Variants in RMST observed in about 807,000 individuals in gnomAD.
RMST encodes the protein rhabdomyosarcoma 2 associated transcript, also known as long intergenic non-protein coding RNA 54.
rs544032079 is a variant in RMST at position 97,493,601 on chromosome 12, G to A, written n.900-274G>A. ...TCCACGTGGAATACTTGCATTATAC[G>A]ATATAAAAGAGTCTCTCTCTTAAAC... On this transcript the variant is annotated intron_variant and non_coding_transcript_variant, in intron 7 of 13. Transcript: ENST00000640149. Among the ~76,000 whole-genome samples the A allele has an allele frequency of 4.6e-5, 7 of 152,054 alleles. No homozygotes were observed. In the South Asian group the frequency reaches 8.3e-4, roughly 18 times the overall value.
intron 10 of RMST, among the ~76,000 whole-genome samples, chr12:97,512,875 A>C (rs1468680013): frequency 6.6e-6 from 1 of 152,190 alleles, no homozygotes; most frequent in Non-Finnish European, 1.5e-5. Flanking sequence ...ACAGGAGCCC[A>C]CGGAGGCGAG....
At chr12:97,464,953 T>C (rs1365875585) in intron 4 of RMST, 2 of 152,232 alleles carry the variant, frequency 1.3e-5, no homozygotes, top group African/African-American at 4.8e-5. Flanking sequence ...TATCTTTTAT[T>C]GTGGAGGGGC....
chr12:97,492,641 G>A (rs1876963095), intron 6 of RMST: 1 of 152,038 alleles, frequency 6.6e-6, no homozygotes, highest in Non-Finnish European at 1.5e-5. Context: ...GACTTGTTTT[G>A]TTTTTGTTTT....
At chr12:97,555,848 G>A (rs1883672307) in intron 11 of RMST, among the ~76,000 whole-genome samples, 1 of 152,200 alleles carries the variant, frequency 6.6e-6, no homozygotes, top group South Asian at 2.1e-4. Context: ...ATTTCTCAGT[G>A]ACTAGAGATA....
At chr12:97,484,860 T>C (rs533682862) in intron 5 of RMST, among the ~76,000 whole-genome samples, 22 of 152,322 alleles carry the variant, frequency 1.4e-4, no homozygotes, top group Non-Finnish European at 2.2e-4. Flanking sequence ...GTCTCATCAA[T>C]TAGTCAGCAC....
chr12:97,521,337 GC>G (rs1456551891), intron 10 of RMST, among the ~76,000 whole-genome samples: 2 of 152,060 alleles, frequency 1.3e-5, no homozygotes, highest in South Asian at 2.1e-4. Context: ...AGAGCCAAAA[GC>G]CCTTGAGAGA....
At position 97,513,472 on chromosome 12, in the gene RMST, G is replaced by A. The variant is rs114483234; in HGVS notation, n.1341-17183G>A. On this transcript the variant is annotated intron_variant and non_coding_transcript_variant, in intron 10 of 13. Coordinates refer to ENST00000640149, the Ensembl canonical transcript of RMST. ...ATTTATTGAGTAGAGTGCCTACTAT[G>A]TGCTCGATGTTGAAGATGGAGAGGG... is the stretch of plus-strand genomic sequence containing the variant. 4.6e-3 allele frequency among the ~76,000 whole-genome samples: 697 copies of A among 152,274 alleles called. 5 individuals carry two copies. The highest frequency in any genetic ancestry group is 0.015 in the African/African-American group (632 of 41,568).
chr12:97,491,893 T>C (rs753528974), intron 5 of RMST: 1 of 527,850 alleles, frequency 1.9e-6, no homozygotes, highest in Non-Finnish European at 3.9e-6. Flanking sequence ...CACCCGAGCG[T>C]CCATGGGTCA....
intron 5 of RMST, among the ~76,000 whole-genome samples, chr12:97,477,886 C>T (rs1874747442): frequency 6.6e-6 from 1 of 152,166 alleles, no homozygotes; most frequent in Non-Finnish European, 1.5e-5. Context: ...TTTTATTCAG[C>T]ATTGTCTAGG....
At chr12:97,558,766 T>G (rs1048236827) in intron 11 of RMST, among the ~76,000 whole-genome samples, 2 of 152,170 alleles carry the variant, frequency 1.3e-5, no homozygotes, top group African/African-American at 4.8e-5. Context: ...GGAAGGGGCT[T>G]GGTTATTTAT....
At chr12:97,548,238 T>C (rs1206712428) in intron 11 of RMST, among the ~76,000 whole-genome samples, 1 of 152,136 alleles carries the variant, frequency 6.6e-6, no homozygotes, top group Non-Finnish European at 1.5e-5. Context: ...CTCTATTCTA[T>C]TCCATTGGTC....
At chr12:97,552,989 G>T (rs1883408023) in intron 11 of RMST, among the ~76,000 whole-genome samples, 1 of 152,150 alleles carries the variant, frequency 6.6e-6, no homozygotes. Flanking sequence ...TGCTAGGTCA[G>T]CCTACCAGCA....
chr12:97,470,079 G>T (rs714892), intron 5 of RMST, among the ~76,000 whole-genome samples: 16,457 of 152,056 alleles, frequency 0.11, 1,078 homozygotes, highest in East Asian at 0.16. Context: ...TTTTGCCACT[G>T]CCTTCTCAAA....
At chr12:97,481,191 C>G (rs1875232050) in intron 5 of RMST, among the ~76,000 whole-genome samples, 1 of 151,916 alleles carries the variant, frequency 6.6e-6, no homozygotes, top group Non-Finnish European at 1.5e-5. Flanking sequence ...TGAGGAAGAG[C>G]AAACAAGTCA....
At chr12:97,525,514 A>C (rs1465111345) in intron 10 of RMST, among the ~76,000 whole-genome samples, 2 of 152,190 alleles carry the variant, frequency 1.3e-5, no homozygotes, top group Admixed American at 1.3e-4. Flanking sequence ...CTACATATAT[A>C]ACATAAATTT....
intron 11 of RMST, among the ~76,000 whole-genome samples, chr12:97,553,958 T>C (rs938020795): frequency 8.8e-5 from 13 of 148,176 alleles, no homozygotes; most frequent in African/African-American, 3.0e-4. Flanking sequence ...TCTTTTTTTT[T>C]TTTTTTTTTT....
intron 5 of RMST, among the ~76,000 whole-genome samples, chr12:97,470,532 A>G (rs908560505): frequency 2.0e-4 from 30 of 151,958 alleles, no homozygotes; most frequent in African/African-American, 6.3e-4. Context: ...GCCTTTAAAG[A>G]TCTTTAAATA....
intron 5 of RMST, among the ~76,000 whole-genome samples, chr12:97,491,224 G>A (rs1393462878): frequency 6.6e-6 from 1 of 152,196 alleles, no homozygotes; most frequent in Non-Finnish European, 1.5e-5. Flanking sequence ...CTATGGGGAA[G>A]GCTGGCAAAA....
chr12:97,495,417 A>C (rs1339408244), intron 9 of RMST, among the ~76,000 whole-genome samples: 2 of 152,174 alleles, frequency 1.3e-5, no homozygotes, highest in Non-Finnish European at 2.9e-5. Flanking sequence ...GATGATGGAG[A>C]AGCTGAACAT....
Sources: allele counts gnomAD v4.1 joint callset (sites outside exome capture counted in the v4.1 genomes callset), GRCh38; gene constraint gnomAD v4.1.1; transcripts MANE v1.5; gene names NCBI Gene and HGNC (gene_info 2026-07-23, HGNC 2026-07-21).